Variants in CCBE1 observed in about 807,000 individuals in gnomAD.
The protein encoded by CCBE1 is collagen and calcium binding EGF domains 1.
In CCBE1, 37 loss-of-function variants were observed where a neutral mutation model predicts 50.0. That is an observed-to-expected ratio of 0.74 (90% CI 0.57 to 0.97). CCBE1 has a LOEUF of 0.97. Ranked by LOEUF, CCBE1 falls within the 50% of genes least tolerant of loss-of-function variation. CCBE1 has a pLI of 0.00. For missense variants in CCBE1, 538 were observed against 523.8 expected (o/e 1.03, Z -0.26); for synonymous variants, 234 against 203.7 (o/e 1.15, Z -1.27).
chr18:59,575,381 G>T (rs1245698394), intron 2 of CCBE1, among the ~76,000 whole-genome samples: 1 of 152,266 alleles, frequency 6.6e-6, no homozygotes, highest in African/African-American at 2.4e-5. Flanking sequence ...CAAGGTCAAG[G>T]GGAAAGTGCA....
At chr18:59,491,016 T>C (rs890527601) in intron 2 of CCBE1, among the ~76,000 whole-genome samples, 2 of 152,226 alleles carry the variant, frequency 1.3e-5, no homozygotes, top group Non-Finnish European at 2.9e-5. Flanking sequence ...GCAATATGGT[T>C]CACTGCGAAC....
At chr18:59,627,772 G>A (rs1339169050) in intron 2 of CCBE1, among the ~76,000 whole-genome samples, 1 of 152,152 alleles carries the variant, frequency 6.6e-6, no homozygotes, top group East Asian at 1.9e-4. Context: ...TGGCCCCACA[G>A]ACACCTTGAT....
intron 2 of CCBE1, among the ~76,000 whole-genome samples, chr18:59,611,140 C>G (rs2053563862): frequency 6.6e-6 from 1 of 152,260 alleles, no homozygotes; most frequent in African/African-American, 2.4e-5. Flanking sequence ...ACCACCGGCT[C>G]TGCCTATTCC....
intron 2 of CCBE1, among the ~76,000 whole-genome samples, chr18:59,579,998 T>C (rs2053058190): frequency 6.6e-6 from 1 of 152,064 alleles, no homozygotes; most frequent in African/African-American, 2.4e-5. Flanking sequence ...GAAGAGCAAA[T>C]CACATCTGAT....
intron 5 of CCBE1, chr18:59,464,130 T>C (rs1268068107): frequency 6.6e-6 from 1 of 152,218 alleles, no homozygotes; most frequent in African/African-American, 2.4e-5. Context: ...TCAGTGATTT[T>C]AATTTGGAAC....
chr18:59,627,960 C>T (rs1470135743), intron 2 of CCBE1, among the ~76,000 whole-genome samples: 1 of 152,228 alleles, frequency 6.6e-6, no homozygotes, highest in Non-Finnish European at 1.5e-5. Flanking sequence ...CGCCCACAAT[C>T]CGGGTACTTT....
intron 2 of CCBE1, among the ~76,000 whole-genome samples, chr18:59,629,514 G>C: frequency 6.6e-6 from 1 of 152,128 alleles, no homozygotes; most frequent in East Asian, 1.9e-4. Flanking sequence ...ACTTTTGTCT[G>C]TTTTGTTCAT....
At chr18:59,672,628 T>G (rs2054448475) in intron 2 of CCBE1, among the ~76,000 whole-genome samples, 1 of 152,236 alleles carries the variant, frequency 6.6e-6, no homozygotes. Flanking sequence ...GCTGAACCAC[T>G]GCAGCCTGCA....
At chr18:59,512,760 A>G (rs1450926843) in intron 2 of CCBE1, among the ~76,000 whole-genome samples, 1 of 152,226 alleles carries the variant, frequency 6.6e-6, no homozygotes, top group Non-Finnish European at 1.5e-5. Flanking sequence ...AAAGGGTATT[A>G]TTGAGATATG....
intron 2 of CCBE1, among the ~76,000 whole-genome samples, chr18:59,505,379 T>A (rs1913823748): frequency 1.3e-5 from 2 of 152,212 alleles, no homozygotes; most frequent in Non-Finnish European, 2.9e-5. Context: ...ATGTTCATCA[T>A]GATAAAGTTG....
intron 2 of CCBE1, among the ~76,000 whole-genome samples, chr18:59,646,882 G>T (rs1261963687): frequency 6.6e-6 from 1 of 152,180 alleles, no homozygotes; most frequent in Admixed American, 6.5e-5. Context: ...TGATCAGGTC[G>T]CTGCAGCATT....
chr18:59,463,108 G>A (rs1381435019), intron 5 of CCBE1, among the ~76,000 whole-genome samples: 1 of 152,194 alleles, frequency 6.6e-6, no homozygotes, highest in African/African-American at 2.4e-5. Context: ...AAGGAAAGAG[G>A]TGCATGTAGT....
chr18:59,672,652 A>C (rs2054448807), intron 2 of CCBE1, among the ~76,000 whole-genome samples: 1 of 152,208 alleles, frequency 6.6e-6, no homozygotes, highest in South Asian at 2.1e-4. Context: ...TCTGGAACCA[A>C]GCCAAACCTT....
chr18:59,696,516 C>T (rs1466152160), intron 2 of CCBE1, 113 bp downstream of exon 2: 1 of 1,571,172 alleles, frequency 6.4e-7, no homozygotes, highest in South Asian at 1.1e-5. Context: ...CAGGTTCCAG[C>T]GTAAAAGCTG....
intron 2 of CCBE1, among the ~76,000 whole-genome samples, chr18:59,517,352 T>G (rs1025021550): frequency 4.6e-5 from 7 of 152,236 alleles, no homozygotes; most frequent in African/African-American, 1.7e-4. Context: ...TTTAGCTACC[T>G]TGGGGTCCAA....
intron 3 of CCBE1, among the ~76,000 whole-genome samples, chr18:59,477,685 A>C (rs1441104346): frequency 1.3e-5 from 2 of 152,202 alleles, no homozygotes; most frequent in East Asian, 3.9e-4. Context: ...CAGTATTTAC[A>C]TTAAAGCATA....
chr18:59,578,086 A>C (rs1427577618), intron 2 of CCBE1, among the ~76,000 whole-genome samples: 1 of 152,232 alleles, frequency 6.6e-6, no homozygotes, highest in Admixed American at 6.5e-5. Flanking sequence ...AATATTTAGA[A>C]TCTACAAGGA....
At chr18:59,666,647 G>A (rs1267813328) in intron 2 of CCBE1, among the ~76,000 whole-genome samples, 1 of 152,034 alleles carries the variant, frequency 6.6e-6, no homozygotes, top group Non-Finnish European at 1.5e-5. Context: ...GAACAACATT[G>A]TGAATGTATA....
chr18:59,438,011 G>C, intron 10 of CCBE1, 100 bp downstream of exon 10: 1 of 1,131,104 alleles, frequency 8.8e-7, no homozygotes, highest in Non-Finnish European at 1.3e-6. Context: ...GTGGCATCAG[G>C]AAGGGGCGGG....
Sources: gnomAD v4.1 joint callset for allele counts (sites outside exome capture counted in the v4.1 genomes callset) on GRCh38, gnomAD v4.1.1 for gene constraint, MANE v1.5 for transcripts, NCBI Gene and HGNC (gene_info 2026-07-23, HGNC 2026-07-21) for gene names.